The following EEA1 variants were observed in gnomAD, a reference collection of about 807,000 sequenced individuals.
EEA1 encodes the protein early endosome antigen 1, also known as early endosome antigen 1, 162kD.
A neutral mutation model predicts 209.2 loss-of-function variants in EEA1; 111 were observed. The ratio of observed to expected loss-of-function variants is 0.53; its 90% CI spans 0.45 to 0.62. EEA1 has a LOEUF of 0.62. EEA1 is among the 20% of genes least tolerant of loss of function. The pLI is 0.00. For synonymous variants in EEA1, 536 were observed against 540.6 expected (o/e 0.99, Z 0.12); for missense variants, 1,343 against 1,530.8 (o/e 0.88, Z 2.05).
intron 9 of EEA1, among the ~76,000 whole-genome samples, chr12:92,849,668 T>A (rs1877529969): frequency 6.6e-6 from 1 of 152,198 alleles, no homozygotes; most frequent in Non-Finnish European, 1.5e-5. Flanking sequence ...GTGTGTTATA[T>A]CCACAAACTT....
At chr12:92,832,322 AT>A (rs908542814) in intron 11 of EEA1, among the ~76,000 whole-genome samples, 189 bp downstream of exon 11, 4 of 152,232 alleles carry the variant, frequency 2.6e-5, no homozygotes, top group African/African-American at 4.8e-5. Flanking sequence ...GGATATTATA[AT>A]TTTTTTAAGG....
At chr12:92,928,368 G>A (rs535386923) in intron 1 of EEA1, among the ~76,000 whole-genome samples, 28 of 152,220 alleles carry the variant, frequency 1.8e-4, no homozygotes, top group African/African-American at 5.8e-4. Flanking sequence ...AGCTTACTGC[G>A]GATTTATTCT....
At chr12:92,804,627 A>G (rs1875107204) in intron 18 of EEA1, among the ~76,000 whole-genome samples, 1 of 152,110 alleles carries the variant, frequency 6.6e-6, no homozygotes, top group Non-Finnish European at 1.5e-5. Flanking sequence ...GAAAGCCTCA[A>G]TATTTGGAAA....
At chr12:92,922,403 C>T (rs533491327) in intron 1 of EEA1, among the ~76,000 whole-genome samples, 5 of 152,328 alleles carry the variant, frequency 3.3e-5, no homozygotes, top group South Asian at 2.1e-4. Flanking sequence ...TTCAAACTTT[C>T]GTTATCCCTA....
intron 2 of EEA1, among the ~76,000 whole-genome samples, chr12:92,866,419 C>T (rs927958191): frequency 1.3e-5 from 2 of 151,762 alleles, no homozygotes; most frequent in Non-Finnish European, 2.9e-5. Context: ...GGCAGTGGTG[C>T]TTCGGCACTG....
intron 3 of EEA1, among the ~76,000 whole-genome samples, chr12:92,862,007 T>C (rs911806981): frequency 1.3e-5 from 2 of 152,228 alleles, no homozygotes; most frequent in Non-Finnish European, 2.9e-5. Flanking sequence ...ATTTGATTGA[T>C]GTTGATGAAA....
In EEA1 at chr12:92,770,673, C is replaced by A. The variant is rs895059304; in HGVS notation, c.*5338G>T. The A allele has an allele frequency of 2.0e-5, 3 of 152,578 alleles. No individual in the cohort carries two copies. The highest frequency in any genetic ancestry group is 7.2e-5 in the African/African-American group (3 of 41,426). 9.5% of individuals were successfully genotyped at this position (152,578 alleles called of 1,614,324 possible). On this transcript the variant is annotated 3_prime_UTR_variant, in exon 29 of 29. Coordinates refer to ENST00000322349, the MANE Select transcript of EEA1 (RefSeq NM_003566.4). ...AAACATAATGATAAATCTTTAGATA[C>A]AAAGCTTGATTGTTCTTTTAATATA...
chr12:92,877,571 C>T (rs2136738427), intron 2 of EEA1, among the ~76,000 whole-genome samples: 1 of 152,170 alleles, frequency 6.6e-6, no homozygotes. Context: ...CTCTGTCACC[C>T]AGGCGGGAGT....
At chr12:92,847,101 C>CCT (rs1877416631) in intron 9 of EEA1, among the ~76,000 whole-genome samples, 1 of 151,922 alleles carries the variant, frequency 6.6e-6, no homozygotes, top group South Asian at 2.1e-4. Flanking sequence ...TACAGGCATG[C>CCT]GCCACCACAC....
At chr12:92,846,804 C>T (rs1165510553) in intron 9 of EEA1, among the ~76,000 whole-genome samples, 1 of 152,074 alleles carries the variant, frequency 6.6e-6, no homozygotes, top group Non-Finnish European at 1.5e-5. Flanking sequence ...CAAGGACATA[C>T]ATAGTTAATA....
At chr12:92,927,524 T>C (rs1881256217) in intron 1 of EEA1, among the ~76,000 whole-genome samples, 1 of 152,252 alleles carries the variant, frequency 6.6e-6, no homozygotes, top group African/African-American at 2.4e-5. Flanking sequence ...AAGCATCCCA[T>C]ATTTCTGAAA....
At chr12:92,905,240 C>G (rs1449124819) in intron 1 of EEA1, among the ~76,000 whole-genome samples, 3 of 152,060 alleles carry the variant, frequency 2.0e-5, no homozygotes, top group Non-Finnish European at 4.4e-5. Context: ...CTTATTATAA[C>G]AATATTACAT....
intron 13 of EEA1, among the ~76,000 whole-genome samples, chr12:92,823,799 T>C (rs1318939801): frequency 1.3e-5 from 2 of 152,248 alleles, no homozygotes; most frequent in Non-Finnish European, 2.9e-5. Flanking sequence ...AGAGACAACC[T>C]GTCTGCAAAA....
chr12:92,827,788 T>C (rs958019136), intron 12 of EEA1, 124 bp downstream of exon 12: 15 of 1,005,262 alleles, frequency 1.5e-5, no homozygotes, highest in Non-Finnish European at 1.7e-5. Flanking sequence ...GATGTTGCTA[T>C]TGGAGAGCAA....
In EEA1 at chr12:92,773,448, G is replaced by C. The variant is rs1228954961; in HGVS notation, c.*2563C>G. On this transcript the variant is annotated 3_prime_UTR_variant, in exon 29 of 29. Coordinates refer to ENST00000322349, the MANE Select transcript of EEA1 (RefSeq NM_003566.4). ...ACACTGCATTGAGGTTTTTGTGTTTGTTTCCCTCATTTTTTCTTCAAAGGA... is the reference window on the plus strand; with the variant it reads ...ACACTGCATTGAGGTTTTTGTGTTTCTTTCCCTCATTTTTTCTTCAAAGGA... 1 of 152,030 alleles carries C rather than the reference G, an allele frequency of 6.6e-6. No homozygotes were observed. The highest frequency in any genetic ancestry group is 2.4e-5 in the African/African-American group (1 of 41,384). The allele number at this position is 152,030 out of a possible 1,614,324, so 9.4% of individuals were successfully genotyped here. A position where few individuals can be genotyped will look rare whatever the true frequency, so the allele number is the denominator to read the frequency against.
At chr12:92,914,111 TC>T (rs1223870284) in intron 1 of EEA1, among the ~76,000 whole-genome samples, 1 of 152,064 alleles carries the variant, frequency 6.6e-6, no homozygotes, top group Non-Finnish European at 1.5e-5. Flanking sequence ...AAGTATCCTT[TC>T]CCCGCTGCAT....
At chr12:92,926,212 C>G in intron 1 of EEA1, among the ~76,000 whole-genome samples, 1 of 151,790 alleles carries the variant, frequency 6.6e-6, no homozygotes, top group Non-Finnish European at 1.5e-5. Context: ...AGGCTGGTCT[C>G]GAACTCCCGA....
intron 1 of EEA1, among the ~76,000 whole-genome samples, chr12:92,902,740 T>TAA (rs35323066): frequency 0.26 from 32,488 of 124,804 alleles, 4,537 homozygotes; most frequent in Non-Finnish European, 0.33. Flanking sequence ...AATTCTGTCT[T>TAA]AAAAAAAAAA....
rs1365269563 is a variant in EEA1, at chr12:92,894,568, T to G, written c.25-2847A>C. 3.3e-5 allele frequency among the ~76,000 whole-genome samples: 5 copies of G among 152,156 alleles called. No homozygotes were observed. In the East Asian group the frequency reaches 9.6e-4, roughly 29 times the overall value. On this transcript the variant is annotated intron_variant, in intron 1 of 28. Coordinates refer to ENST00000322349, the MANE Select transcript of EEA1 (RefSeq NM_003566.4). ...TGAGAATGTTTTAGTGACATGGATATAAGTTCAAACCAGCCATTAACGTTC... is the reference window on the plus strand; with the variant it reads ...TGAGAATGTTTTAGTGACATGGATAGAAGTTCAAACCAGCCATTAACGTTC...
Sources: gnomAD v4.1 joint callset for allele counts (sites outside exome capture counted in the v4.1 genomes callset) on GRCh38, gnomAD v4.1.1 for gene constraint, MANE v1.5 for transcripts, NCBI Gene and HGNC (gene_info 2026-07-23, HGNC 2026-07-21) for gene names.